Variants in ADAMTS17 observed in about 807,000 individuals in gnomAD.
The protein encoded by ADAMTS17 is A disintegrin and metalloproteinase with thrombospondin motifs 17.
ADAMTS17 carries 113 observed loss-of-function variants against 141.5 expected under a neutral mutation model. The observed-to-expected ratio is 0.80, with a 90% CI of 0.69 to 0.93. ADAMTS17 has a LOEUF of 0.93. Among genes scored for constraint, ADAMTS17 ranks in the 40% least tolerant of loss-of-function variants. The pLI is 0.00. For missense variants in ADAMTS17, 1,659 were observed against 1,517.9 expected (o/e 1.09, Z -1.54); for synonymous variants, 768 against 630.6 (o/e 1.22, Z -3.27).
intron 3 of ADAMTS17, among the ~76,000 whole-genome samples, chr15:100,305,606 G>C (rs2045197094): frequency 6.6e-6 from 1 of 152,228 alleles, no homozygotes; most frequent in Non-Finnish European, 1.5e-5. Context: ...GGCCATGGTG[G>C]GGTCTTACAC....
At chr15:100,095,405 A>G (rs923129208) in intron 15 of ADAMTS17, among the ~76,000 whole-genome samples, 22 of 152,188 alleles carry the variant, frequency 1.4e-4, no homozygotes, top group African/African-American at 5.3e-4. Flanking sequence ...CTATCCACAC[A>G]GAGAAAAGTG....
At chr15:100,022,100 C>T (rs546981464) in intron 18 of ADAMTS17, among the ~76,000 whole-genome samples, 2 of 152,296 alleles carry the variant, frequency 1.3e-5, no homozygotes, top group Middle Eastern at 6.8e-3. Flanking sequence ...CTAAACTTCC[C>T]CGGGCTCAGT....
intron 15 of ADAMTS17, among the ~76,000 whole-genome samples, chr15:100,074,400 CAT>C (rs34684589): frequency 0.36 from 55,210 of 151,756 alleles, 12,487 homozygotes; most frequent in Non-Finnish European, 0.5. Context: ...ATATTAAAGA[CAT>C]ATACATTATT....
chr15:100,210,573 G>T (rs757831041), intron 7 of ADAMTS17, among the ~76,000 whole-genome samples: 9 of 152,316 alleles, frequency 5.9e-5, no homozygotes, highest in African/African-American at 2.2e-4. Flanking sequence ...ATCAGAGACC[G>T]CAAGCTGGCA....
intron 10 of ADAMTS17, among the ~76,000 whole-genome samples, chr15:100,143,580 G>A (rs1431071527): frequency 1.3e-5 from 2 of 152,136 alleles, no homozygotes; most frequent in African/African-American, 4.8e-5. Flanking sequence ...AATAACTTTT[G>A]CAACAAATGC....
In ADAMTS17 at chr15:100,261,565, A is replaced by G. The variant is rs1359040709; in HGVS notation, c.945T>C (p.Tyr315=). The G allele has an allele frequency of 6.2e-7, 1 of 1,614,004 alleles. No individual in the cohort carries two copies. Among genetic ancestry groups the G allele is most frequent in the East Asian group, 2.2e-5 (1 of 44,886 alleles). ...ESFCHWQNEE[Y]GGARYLGNNQ... ...TATTGCCGAGGTATCGCGCTCCTCC[A>G]TACTCCTCGTTCTGCCAGTGACAGA... The change falls in exon 6 of 22, where the codon TAT becomes TAC. Residue 315 remains tyrosine (Y), a synonymous_variant. Coordinates refer to ENST00000268070, the MANE Select transcript of ADAMTS17 (RefSeq NM_139057.4).
At chr15:100,143,798 G>A (rs1413761688) in intron 10 of ADAMTS17, among the ~76,000 whole-genome samples, 1 of 152,226 alleles carries the variant, frequency 6.6e-6, no homozygotes, top group South Asian at 2.1e-4. Context: ...AATATTTGAA[G>A]CCTAGACTGC....
At chr15:100,230,073 G>C (rs1161358464) in intron 7 of ADAMTS17, among the ~76,000 whole-genome samples, 3 of 152,234 alleles carry the variant, frequency 2.0e-5, no homozygotes, top group Admixed American at 2.0e-4. Context: ...TCCTGGCCAA[G>C]CTGCACGAGC....
At chr15:100,019,253 T>A (rs549011398) in intron 18 of ADAMTS17, among the ~76,000 whole-genome samples, 15 of 152,086 alleles carry the variant, frequency 9.9e-5, no homozygotes, top group Non-Finnish European at 2.1e-4. Flanking sequence ...TAGTGCAAGT[T>A]TGAAAATTTG....
In ADAMTS17 at chr15:100,341,262, G is replaced by T; in HGVS notation, c.227C>A (p.Pro76His). The change falls in exon 2 of 22, where the codon CCC becomes CAC. Residue 76 changes from proline to histidine, a missense_variant. Transcript: ENST00000268070. The part of the protein sequence containing the change: ...RTPPAAPRAR[P>H]GERALLLHLP... ...GTGCAGCAGCAGGGCGCGCTCTCCG[G>T]GCCGGGCGCGCGGGGCGGCTGGGGG... The T allele has an allele frequency of 1.5e-6, 2 of 1,290,754 alleles. No homozygotes were observed. Among genetic ancestry groups the T allele is most frequent in the Non-Finnish European group, 2.0e-6 (2 of 1,018,300 alleles). 80.0% of individuals were successfully genotyped at this position (1,290,754 alleles called of 1,614,324 possible).
chr15:100,059,313 A>G (rs145774650), intron 15 of ADAMTS17, among the ~76,000 whole-genome samples: 11 of 152,372 alleles, frequency 7.2e-5, no homozygotes, highest in South Asian at 2.1e-4. Context: ...GTTCTGGCGC[A>G]CTGCAAATGC....
At position 100,071,688 on chromosome 15, in the gene ADAMTS17, G is replaced by T. The variant is rs184997346; in HGVS notation, c.2138-17634C>A. Among the ~76,000 whole-genome samples, 8 of 150,360 alleles carry T rather than the reference G, an allele frequency of 5.3e-5. 1 individual carries two copies. The East Asian group carries it at 1.6e-3, about 29-fold the overall frequency. Reference sequence around the variant, plus strand: ...GATTATCTCAATAGATGCAGAAAAGGCCTTTGACAAAATTCAACAACTCTT... The same window carrying T: ...GATTATCTCAATAGATGCAGAAAAGTCCTTTGACAAAATTCAACAACTCTT... On this transcript the variant is annotated intron_variant, in intron 15 of 21. Transcript: ENST00000268070.
Position 99,993,044 on chromosome 15 carries a change from T to A in ADAMTS17, c.2949+4A>T. On this transcript the variant is annotated splice_donor_region_variant and intron_variant, in intron 20 of 21. Transcript: ENST00000268070. The surrounding 1 kb of genome is among the most constrained non-coding windows in gnomAD (Gnocchi z 4.3). ...GGAGAGAAATGCCAGCAGGCTGCTC[T>A]CACCGTAGACCAGTCCCCAGTTTTC... 4.3e-6 allele frequency: 7 copies of A among 1,614,106 alleles called. No homozygotes were observed. Among genetic ancestry groups the A allele is most frequent in the Non-Finnish European group, 5.9e-6 (7 of 1,180,032 alleles).
In ADAMTS17 at chr15:100,253,472, G is replaced by A. The variant is rs1429901403; in HGVS notation, c.1075+664C>T. Among the ~76,000 whole-genome samples, 13 of 35,240 alleles carry A rather than the reference G, an allele frequency of 3.7e-4. 2 individuals carry two copies. The highest frequency in any genetic ancestry group is 2.3e-3 in the South Asian group (1 of 426). The allele number at this position is 35,240 out of a possible 152,430, so 23.1% of individuals were successfully genotyped here. A position where few individuals can be genotyped will look rare whatever the true frequency, so the allele number is the denominator to read the frequency against. ...GGGGAAGGTAGAGGGGGAGGGGAAG[G>A]TAGAGGGGGAGGGGAACGTAGAGGG... On this transcript the variant is annotated intron_variant, in intron 7 of 21. Coordinates refer to ENST00000268070, the MANE Select transcript of ADAMTS17 (RefSeq NM_139057.4).
At chr15:100,157,036 G>A (rs1302192739) in intron 8 of ADAMTS17, among the ~76,000 whole-genome samples, 1 of 152,210 alleles carries the variant, frequency 6.6e-6, no homozygotes, top group Non-Finnish European at 1.5e-5. Flanking sequence ...AGGTGAAGGG[G>A]AAGCAAAGAC....
At chr15:100,248,139 G>A (rs1454202979) in intron 7 of ADAMTS17, among the ~76,000 whole-genome samples, 1 of 152,160 alleles carries the variant, frequency 6.6e-6, no homozygotes, top group Non-Finnish European at 1.5e-5. Flanking sequence ...GCCTGCAACG[G>A]TGGAACATCT....
chr15:100,201,193 T>C lies in ADAMTS17; in HGVS notation c.1076-1770A>G, dbSNP rs545296800. 6.6e-5 allele frequency among the ~76,000 whole-genome samples: 10 copies of C among 152,264 alleles called. No individual in the cohort carries two copies. In the South Asian group the frequency reaches 2.1e-3, roughly 32 times the overall value. ...GTCCCCACCCAAATCTCATCTCAAATTGTAATCCCCATGTGTCAGGGAGGG... is the reference window on the plus strand; with the variant it reads ...GTCCCCACCCAAATCTCATCTCAAACTGTAATCCCCATGTGTCAGGGAGGG... On this transcript the variant is annotated intron_variant, in intron 7 of 21. Transcript: ENST00000268070.
At chr15:99,978,100 G>A (rs1042700504) in intron 20 of ADAMTS17, among the ~76,000 whole-genome samples, 3 of 152,214 alleles carry the variant, frequency 2.0e-5, no homozygotes, top group African/African-American at 2.4e-5. Context: ...TGTGCTTCCC[G>A]TGTCCTCACT....
intron 7 of ADAMTS17, among the ~76,000 whole-genome samples, chr15:100,224,739 C>T (rs1197870941): frequency 2.6e-5 from 4 of 152,198 alleles, no homozygotes; most frequent in Admixed American, 6.5e-5. Flanking sequence ...CTGCACTGAC[C>T]GCACCAGGCA....
Sources: gnomAD v4.1 joint callset for allele counts (sites outside exome capture counted in the v4.1 genomes callset) on GRCh38, gnomAD v4.1.1 for gene constraint, Gnocchi (gnomAD v3.1) non-coding constraint, MANE v1.5 for transcripts, NCBI Gene and HGNC (gene_info 2026-07-23, HGNC 2026-07-21) for gene names.